Variants in ASH1L observed in about 807,000 individuals in gnomAD.
The protein encoded by ASH1L is histone-lysine N-methyltransferase ASH1L.
ASH1L carries 23 observed loss-of-function variants against 269.0 expected under a neutral mutation model. The ratio of observed to expected loss-of-function variants is 0.09; its 90% confidence interval spans 0.06 to 0.12. The LOEUF (loss-of-function observed/expected upper bound fraction) is 0.12, where lower values mean the gene tolerates loss of function less well. ASH1L is among the 10% of genes least tolerant of loss of function. The pLI, the probability that ASH1L is intolerant of heterozygous loss-of-function variation, is 1.00. For synonymous variants in ASH1L, 1,187 were observed against 1,253.5 expected (o/e 0.95, Z 1.12); for missense variants, 2,912 against 3,567.8 (o/e 0.82, Z 4.68).
In ASH1L at chr1:155,344,232, G is replaced by A; in HGVS notation, c.7932C>T (p.Gly2644=). Residue 2644 remains glycine (G), a synonymous_variant, in exon 22 of 28, where the codon GGC becomes GGT. Transcript: ENST00000392403. The part of the protein sequence containing the change: ...MIPRPHYAQP[G]CVYFICLLRD... ...GGAGCAAACAGATGAAGTAGACACAGCCAGGTTGGGCATAGTGGGGCCGAG... is the reference window on the plus strand; with the variant it reads ...GGAGCAAACAGATGAAGTAGACACAACCAGGTTGGGCATAGTGGGGCCGAG... 2 of 1,614,150 alleles carry A rather than the reference G, an allele frequency of 1.2e-6. No homozygotes were observed. Among genetic ancestry groups the A allele is most frequent in the South Asian group, 2.2e-5 (2 of 91,078 alleles).
At chr1:155,532,839 T>C (rs979568596) in intron 1 of ASH1L, among the ~76,000 whole-genome samples, 9 of 143,346 alleles carry the variant, frequency 6.3e-5, no homozygotes, top group Non-Finnish European at 1.2e-4. Context: ...AAAAAAAAAA[T>C]TATATATATA....
chr1:155,387,187 TG>T (rs1172342236), intron 7 of ASH1L, among the ~76,000 whole-genome samples: 1 of 152,150 alleles, frequency 6.6e-6, no homozygotes, highest in African/African-American at 2.4e-5. Context: ...TTGATCAGGC[TG>T]GTCTCGAACT....
At chr1:155,474,718 A>G (rs1665397526) in intron 3 of ASH1L, among the ~76,000 whole-genome samples, 1 of 152,108 alleles carries the variant, frequency 6.6e-6, no homozygotes, top group South Asian at 2.1e-4. Flanking sequence ...AGAAAAAAAA[A>G]AACTGTGTTC....
chr1:155,347,623 G>C (rs1467530022), intron 20 of ASH1L, 33 bp downstream of exon 20: 1 of 1,611,180 alleles, frequency 6.2e-7, no homozygotes. Flanking sequence ...TGTTCATCAG[G>C]ACCAAGCTTC....
At chr1:155,421,313 AAC>A (rs1271086659) in intron 5 of ASH1L, among the ~76,000 whole-genome samples, 6 of 138,470 alleles carry the variant, frequency 4.3e-5, no homozygotes, top group Admixed American at 8.5e-5. Context: ...CTCAAGTACC[AAC>A]AGTTTTTTTT....
chr1:155,405,887 G>A (rs1160748393), intron 6 of ASH1L, among the ~76,000 whole-genome samples: 1 of 151,208 alleles, frequency 6.6e-6, no homozygotes, highest in Non-Finnish European at 1.5e-5. Context: ...TCACAGATAT[G>A]GTGATGACCA....
intron 12 of ASH1L, among the ~76,000 whole-genome samples, chr1:155,360,918 T>C (rs1002562051): frequency 2.6e-5 from 4 of 151,760 alleles, no homozygotes; most frequent in Non-Finnish European, 5.9e-5. Flanking sequence ...CTTTGGGAGG[T>C]TGAGGTGGGA....
At chr1:155,339,403 T>C in intron 25 of ASH1L, 35 bp from the exon 26 acceptor site, 6 of 1,608,702 alleles carry the variant, frequency 3.7e-6, no homozygotes, top group South Asian at 3.3e-5. Context: ...AAGCATATTG[T>C]AGAAGCTGGG....
chr1:155,354,534 G>A lies in ASH1L; in HGVS notation c.7152C>T (p.His2384=), dbSNP rs1336301707. The part of the protein sequence containing the change: ...EEVKHTSDNI[H]SASLYTRWNG... ...TCCAACGGGTATATAATGATGCTGA[G>A]TGAATATTATCACTGGTGTGCTTTA... Residue 2384 remains histidine (H), a synonymous_variant, in exon 16 of 28, where the codon CAC becomes CAT. Transcript: ENST00000392403. The A allele has an allele frequency of 3.7e-6, 6 of 1,613,966 alleles. No individual in the cohort carries two copies. The highest frequency in any genetic ancestry group is 3.3e-4 in the Middle Eastern group (2 of 6,060).
At chr1:155,456,784 T>C (rs768108049) in intron 4 of ASH1L, among the ~76,000 whole-genome samples, 16 of 152,166 alleles carry the variant, frequency 1.1e-4, no homozygotes, top group East Asian at 3.8e-4. Context: ...CTGCATGCAT[T>C]TGTCACACTC....
intron 2 of ASH1L, among the ~76,000 whole-genome samples, chr1:155,514,700 T>C (rs934813023): frequency 1.3e-5 from 2 of 152,154 alleles, no homozygotes; most frequent in African/African-American, 2.4e-5. Context: ...TGCTAATGAA[T>C]GTACAGTACA....
chr1:155,502,841 C>T (rs1458349324), intron 2 of ASH1L, among the ~76,000 whole-genome samples: 1 of 151,976 alleles, frequency 6.6e-6, no homozygotes, highest in African/African-American at 2.4e-5. Context: ...TCTAATTTTT[C>T]TCATTTATCT....
Position 155,481,243 on chromosome 1 carries a change from C to T in ASH1L, c.1627G>A (p.Ala543Thr), listed in dbSNP as rs772900824. ...KMGGASDVST[A>T]KSPFSAVGES... is the part of the protein sequence containing the mutation. ...CCTACTGCACTGAATGGGGATTTAG[C>T]GGTAGATACATCAGAAGCACCTCCC... Residue 543 changes from alanine to threonine, a missense_variant, in exon 3 of 28, where the codon GCT becomes ACT. Ala to Thr is a moderately conservative substitution (Grantham distance 58). Around this residue, in one of 13 missense-constraint regions of ASH1L, gnomAD observed 715 missense variants for 721.0 expected, o/e 0.99. Transcript: ENST00000392403. 1.1e-5 allele frequency: 18 copies of T among 1,613,992 alleles called. No individual in the cohort carries two copies. The highest frequency in any genetic ancestry group is 1.1e-4 in the East Asian group (5 of 44,876).
intron 21 of ASH1L, 30 bp downstream of exon 21, chr1:155,346,353 G>C: frequency 3.7e-6 from 6 of 1,606,790 alleles, no homozygotes; most frequent in Non-Finnish European, 5.1e-6. Context: ...CCTACTTATA[G>C]ATCAGAGTTT....
At chr1:155,359,764 G>C (rs1654773111) in intron 13 of ASH1L, among the ~76,000 whole-genome samples, 3 of 152,214 alleles carry the variant, frequency 2.0e-5, no homozygotes, top group Admixed American at 6.5e-5. Context: ...TTTTGGTAGA[G>C]ACAGGGTTGC....
chr1:155,344,305 C>T (rs1454621228), intron 21 of ASH1L, 32 bp from the exon 22 acceptor site: 1 of 1,490,540 alleles, frequency 6.7e-7, no homozygotes. Context: ...TGTATAAGGG[C>T]TGGAATTACT....
At chr1:155,411,075 A>T (rs1210999544) in intron 6 of ASH1L, among the ~76,000 whole-genome samples, 1 of 152,212 alleles carries the variant, frequency 6.6e-6, no homozygotes, top group Non-Finnish European at 1.5e-5. Flanking sequence ...CATGTATCAC[A>T]ATGGTGTGGT....
intron 4 of ASH1L, among the ~76,000 whole-genome samples, chr1:155,454,159 C>A (rs1663703971): frequency 6.6e-6 from 1 of 152,172 alleles, no homozygotes; most frequent in Non-Finnish European, 1.5e-5. Context: ...ATAAGAATTT[C>A]TTATCCACTT....
At chr1:155,503,119 T>G (rs1667620534) in intron 2 of ASH1L, among the ~76,000 whole-genome samples, 1 of 152,176 alleles carries the variant, frequency 6.6e-6, no homozygotes, top group Admixed American at 6.5e-5. Context: ...ATAATCACAC[T>G]CAGTAATTTT....
Sources: gnomAD v4.1 joint callset for allele counts (sites outside exome capture counted in the v4.1 genomes callset) on GRCh38, gnomAD v4.1.1 for gene constraint, gnomAD v4.1.1 regional missense constraint, MANE v1.5 for transcripts, NCBI Gene and HGNC (gene_info 2026-07-23, HGNC 2026-07-21) for gene names.